TMEM178B: variants seen among roughly 807,000 people sequenced by gnomAD.
The protein encoded by TMEM178B is transmembrane protein 178B.
A neutral mutation model predicts 31.0 loss-of-function variants in TMEM178B; 5 were observed. The ratio of observed to expected loss-of-function variants is 0.16; its 90% CI spans 0.08 to 0.34. TMEM178B has a LOEUF of 0.34. TMEM178B is among the 10% of genes least tolerant of loss of function. TMEM178B has a pLI of 1.00. For synonymous variants in TMEM178B, 164 were observed against 164.0 expected, an observed-to-expected ratio of 1.00 and a Z score of 0.00; for missense variants, 275 against 400.3, an observed-to-expected ratio of 0.69 and a Z score of 2.67.
chr7:141,212,248 G>T (rs769188451), intron 1 of TMEM178B, among the ~76,000 whole-genome samples: 1 of 152,140 alleles, frequency 6.6e-6, no homozygotes, highest in African/African-American at 2.4e-5. Context: ...CTGTCTGCTG[G>T]TCCCGGGGTG....
At chr7:141,161,197 G>C (rs1796166174) in intron 1 of TMEM178B, among the ~76,000 whole-genome samples, 1 of 152,192 alleles carries the variant, frequency 6.6e-6, no homozygotes, top group African/African-American at 2.4e-5. Flanking sequence ...GGGGAAGAGA[G>C]ATGTAAGGAT....
chr7:141,185,009 G>A (rs918129538), intron 1 of TMEM178B, among the ~76,000 whole-genome samples: 2 of 152,170 alleles, frequency 1.3e-5, no homozygotes, highest in African/African-American at 2.4e-5. Flanking sequence ...CAGTTGAAAC[G>A]GGAAAAGTTC....
intron 1 of TMEM178B, among the ~76,000 whole-genome samples, chr7:141,095,498 A>G (rs9640323): frequency 0.24 from 37,084 of 151,910 alleles, 6,178 homozygotes; most frequent in African/African-American, 0.48. Flanking sequence ...GAATTTTTTA[A>G]CTTATGATTT....
In TMEM178B at chr7:141,349,991, CCATCCATGCATG is replaced by C. The variant is rs953300195; in HGVS notation, c.497-87609_497-87598del. ...TCCATCCATCCATCCATCCATCCAT[CCATCCATGCATG>C]CATCCATCCATGCATCTATCTGTCC... On this transcript the variant is annotated intron_variant, in intron 2 of 3. Coordinates refer to ENST00000565468, the MANE Select transcript of TMEM178B (RefSeq NM_001195278.2). Among the ~76,000 whole-genome samples, 167 of 137,912 alleles carry C rather than the reference CCATCCATGCATG, an allele frequency of 1.2e-3. 4 individuals carry two copies. The South Asian group carries it at 0.039, about 32-fold the overall frequency. 90.5% of individuals were successfully genotyped at this position (137,912 alleles called of 152,430 possible). A position where few individuals can be genotyped will look rare whatever the true frequency, so the allele number is the denominator to read the frequency against.
chr7:141,145,405 G>A (rs1795835546), intron 1 of TMEM178B, among the ~76,000 whole-genome samples: 1 of 152,150 alleles, frequency 6.6e-6, no homozygotes, highest in Non-Finnish European at 1.5e-5. Context: ...TCTGAAATCT[G>A]GACAAGGAAG....
At chr7:141,198,771 T>C (rs1188742104) in intron 1 of TMEM178B, among the ~76,000 whole-genome samples, 3 of 152,214 alleles carry the variant, frequency 2.0e-5, no homozygotes, top group African/African-American at 7.2e-5. Context: ...TCGCCTCGTT[T>C]GTCTGTCAGA....
chr7:141,170,821 T>G (rs1377900607), intron 1 of TMEM178B, among the ~76,000 whole-genome samples: 1 of 152,216 alleles, frequency 6.6e-6, no homozygotes, highest in Non-Finnish European at 1.5e-5. Flanking sequence ...GGTCTTCATT[T>G]AACTGCTGTT....
intron 2 of TMEM178B, among the ~76,000 whole-genome samples, chr7:141,230,386 T>G (rs1307138048): frequency 2.0e-5 from 3 of 152,220 alleles, no homozygotes; most frequent in African/African-American, 7.2e-5. Flanking sequence ...ATTTGATTGA[T>G]AAAAAAAGTT....
Position 141,472,947 on chromosome 7 carries a change from A to G in TMEM178B, c.*2161A>G, listed in dbSNP as rs898054902. On this transcript the variant is annotated 3_prime_UTR_variant, in exon 4 of 4. Coordinates refer to ENST00000565468, the MANE Select transcript of TMEM178B (RefSeq NM_001195278.2). ...CACAGGTGTGGGTGCCCTACTCAAG[A>G]CTTCCTTACCGGGGACTCTGGTCAG... is the stretch of plus-strand genomic sequence containing the variant. 6.6e-6 allele frequency: 1 copy of G among 152,134 alleles called. No homozygotes were observed. Among genetic ancestry groups the G allele is most frequent in the South Asian group, 2.1e-4 (1 of 4,828 alleles). 9.4% of individuals were successfully genotyped at this position (152,134 alleles called of 1,614,324 possible).
At chr7:141,498,311 C>T in the TMEM178B span, among the ~76,000 whole-genome samples, 1 of 152,196 alleles carries the variant, frequency 6.6e-6, no homozygotes, top group Non-Finnish European at 1.5e-5. Flanking sequence ...TTCCAGTTGC[C>T]TCCTGGTTTG....
intron 2 of TMEM178B, among the ~76,000 whole-genome samples, chr7:141,217,444 C>T (rs1213493598): frequency 6.6e-6 from 1 of 152,178 alleles, no homozygotes; most frequent in African/African-American, 2.4e-5. Context: ...GCATCCGTCC[C>T]AGGAAGGAAC....
intron 3 of TMEM178B, among the ~76,000 whole-genome samples, chr7:141,456,932 A>T (rs1428718492): frequency 6.6e-6 from 1 of 152,256 alleles, no homozygotes; most frequent in East Asian, 1.9e-4. Context: ...ACTAACTCTC[A>T]GCTCTGAACC....
chr7:141,345,720 T>C (rs978555544), intron 2 of TMEM178B, among the ~76,000 whole-genome samples: 1 of 152,248 alleles, frequency 6.6e-6, no homozygotes, highest in Non-Finnish European at 1.5e-5. Context: ...GAGGTTAGTT[T>C]AACTACTAAC....
chr7:141,250,945 C>T (rs1797822233), intron 2 of TMEM178B, among the ~76,000 whole-genome samples: 1 of 152,144 alleles, frequency 6.6e-6, no homozygotes, highest in Non-Finnish European at 1.5e-5. Context: ...GGGCATTTCT[C>T]AGCACTCCAA....
rs968221681 is a variant in TMEM178B, at chr7:141,344,536, T to C, written c.497-93072T>C. Among the ~76,000 whole-genome samples the C allele has an allele frequency of 6.6e-6, 1 of 151,726 alleles. No homozygotes were observed. ...ATTTTAAGACTTTTTAAAGCTGGGATTTTAGTTTCTCCCTCCCTCCCTCCA... is the reference window on the plus strand; with the variant it reads ...ATTTTAAGACTTTTTAAAGCTGGGACTTTAGTTTCTCCCTCCCTCCCTCCA... On this transcript the variant is annotated intron_variant, in intron 2 of 3. Coordinates refer to ENST00000565468, the MANE Select transcript of TMEM178B (RefSeq NM_001195278.2). This position sits in a 1 kb window ranked among gnomAD's most constrained non-coding sequence, Gnocchi z 4.1.
chr7:141,307,330 T>C (rs577862385), intron 2 of TMEM178B, among the ~76,000 whole-genome samples: 237 of 152,372 alleles, frequency 1.6e-3, no homozygotes, highest in Non-Finnish European at 2.8e-3. Flanking sequence ...TTGTAATAGA[T>C]AATTTCCATA....
chr7:141,097,365 C>CAAAAAAAAAAAAAAAAAAAAAAAAAAAA, intron 1 of TMEM178B, among the ~76,000 whole-genome samples: 1 of 85,304 alleles, frequency 1.2e-5, no homozygotes, highest in Non-Finnish European at 2.2e-5. Flanking sequence ...GACTCCGTCT[C>CAAAAAAAAAAAAAAAAAAAAAAAAAAAA]AAAAAAAAAA....
At chr7:141,348,016 G>A (rs1168202331) in intron 2 of TMEM178B, among the ~76,000 whole-genome samples, 1 of 152,152 alleles carries the variant, frequency 6.6e-6, no homozygotes, top group Admixed American at 6.5e-5. Flanking sequence ...TTTACTAGCT[G>A]GGAGAGAAAA....
chr7:141,470,815 T>G lies in TMEM178B; in HGVS notation c.*29T>G. On this transcript the variant is annotated 3_prime_UTR_variant, in exon 4 of 4. Transcript: ENST00000565468. ...ACAAACCCATACATACATATATATA[T>G]ATAAATATATATATATAATATACAT... 1.0e-6 allele frequency: 1 copy of G among 998,556 alleles called. No individual in the cohort carries two copies. Among genetic ancestry groups the G allele is most frequent in the Admixed American group, 4.6e-5 (1 of 21,606 alleles). The allele number at this position is 998,556 out of a possible 1,614,324, so 61.9% of individuals were successfully genotyped here.
Sources: allele counts gnomAD v4.1 joint callset (sites outside exome capture counted in the v4.1 genomes callset), GRCh38; gene constraint gnomAD v4.1.1; non-coding constraint Gnocchi (gnomAD v3.1); transcripts MANE v1.5; gene names NCBI Gene and HGNC (gene_info 2026-07-23, HGNC 2026-07-21).